Variants in CCDC9 observed in about 807,000 individuals in gnomAD.
CCDC9 encodes coiled-coil domain containing 9, also known as coiled-coil domain-containing protein 9.
CCDC9 carries 52 observed loss-of-function variants against 65.6 expected under a neutral mutation model. The ratio of observed to expected loss-of-function variants is 0.79; its 90% confidence interval spans 0.63 to 1.00. The LOEUF (loss-of-function observed/expected upper bound fraction) is 1.00, where lower values mean the gene tolerates loss of function less well. CCDC9 is among the 50% of genes least tolerant of loss of function. CCDC9 has a pLI of 0.00. For missense variants in CCDC9, 834 were observed against 757.2 expected (o/e 1.10, Z -1.19); for synonymous variants, 332 against 280.3 (o/e 1.18, Z -1.84).
rs770040075 is a variant in CCDC9, at chr19:47,260,430, C to A, written c.210+8C>A. The A allele has an allele frequency of 2.2e-5, 35 of 1,608,606 alleles. No individual in the cohort carries two copies. Among genetic ancestry groups the A allele is most frequent in the Non-Finnish European group, 2.9e-5 (34 of 1,177,396 alleles). ...AACGTGGCAGTGGAGTCGGTGAGCT[C>A]GTCACTGGGGTGTGGGACCCTGAGG... On this transcript the variant is annotated splice_region_variant and intron_variant, in intron 4 of 11. Coordinates refer to ENST00000221922, the MANE Select transcript of CCDC9 (RefSeq NM_015603.3).
chr19:47,265,064 CTTTT>C (rs201113712), intron 7 of CCDC9, 118 bp downstream of exon 7: 7 of 691,030 alleles, frequency 1.0e-5, no homozygotes, highest in Non-Finnish European at 1.2e-5. Context: ...CAGCACAGGA[CTTTT>C]TTTTTTTGAG....
chr19:47,275,157 C>T, downstream of CCDC9: 1 of 1,479,026 alleles, frequency 6.8e-7, no homozygotes, highest in South Asian at 1.3e-5. Context: ...TGCTGCCCGC[C>T]CGGGCGTGCC....
At chr19:47,269,067 C>T (rs1406352744) in intron 8 of CCDC9, among the ~76,000 whole-genome samples, 1 of 152,066 alleles carries the variant, frequency 6.6e-6, no homozygotes, top group Non-Finnish European at 1.5e-5. Flanking sequence ...TATGATGCCA[C>T]TGCACTCCAG....
At chr19:47,271,960 T>C (rs1013202969), downstream of CCDC9, 76 of 1,280,734 alleles carry the variant, frequency 5.9e-5, no homozygotes, top group Non-Finnish European at 7.3e-5. Flanking sequence ...CCAATGACAT[T>C]CCCCCAGGTG....
chr19:47,258,022 A>T, intron 1 of CCDC9: 2 of 296,630 alleles, frequency 6.7e-6, no homozygotes, highest in Admixed American at 4.9e-5. Context: ...GCTGGCCTAG[A>T]ATCAGCCTTT....
downstream of CCDC9, chr19:47,275,390 C>T (rs1051794744): frequency 1.1e-5 from 16 of 1,521,332 alleles, no homozygotes; most frequent in Admixed American, 1.3e-4. Context: ...CCCTCGAGAG[C>T]TCTGTGCTCC....
At chr19:47,264,132 C>T (rs540720502) in intron 5 of CCDC9, among the ~76,000 whole-genome samples, 6 of 152,270 alleles carry the variant, frequency 3.9e-5, no homozygotes, top group East Asian at 1.9e-4. Flanking sequence ...CCACCCACTT[C>T]GGCCTCCCAA....
chr19:47,274,917 G>A, downstream of CCDC9: 1 of 1,316,474 alleles, frequency 7.6e-7, no homozygotes, highest in Non-Finnish European at 9.6e-7. Flanking sequence ...GTGGGCTGCG[G>A]GGATGCGGGG....
At chr19:47,270,842 G>A (rs1412537641) in intron 10 of CCDC9, among the ~76,000 whole-genome samples, 154 bp downstream of exon 10, 2 of 152,116 alleles carry the variant, frequency 1.3e-5, no homozygotes, top group African/African-American at 4.8e-5. Flanking sequence ...AGGGGCTTGG[G>A]ATCTGGCTCT....
intron 1 of CCDC9, chr19:47,257,827 G>T: frequency 6.4e-6 from 1 of 157,006 alleles, no homozygotes; most frequent in East Asian, 1.9e-4. Flanking sequence ...TTTGAGCGTG[G>T]GATTGGGAAT....
intron 8 of CCDC9, among the ~76,000 whole-genome samples, chr19:47,267,406 G>A (rs1281177955): frequency 1.3e-5 from 2 of 152,174 alleles, no homozygotes; most frequent in African/African-American, 4.8e-5. Context: ...CGCCTCCTGA[G>A]CAGCTGGGGT....
chr19:47,266,473 C>T, intron 7 of CCDC9, 138 bp from the exon 8 acceptor site: 1 of 1,333,626 alleles, frequency 7.5e-7, no homozygotes, highest in Non-Finnish European at 9.9e-7. Flanking sequence ...GAGGAGGTGC[C>T]ACCTGAGCCT....
chr19:47,266,615 G>A lies in CCDC9; in HGVS notation c.725G>A (p.Arg242His), dbSNP rs936060847. 22 of 1,532,386 alleles carry A rather than the reference G, an allele frequency of 1.4e-5. No homozygotes were observed. The highest frequency in any genetic ancestry group is 1.4e-4 in the African/African-American group (10 of 73,280). 94.9% of individuals were successfully genotyped at this position (1,532,386 alleles called of 1,614,324 possible). A position where few individuals can be genotyped will look rare whatever the true frequency, so the allele number is the denominator to read the frequency against. ...TCCCTGTGGGCTGGGGGGCAGGGCC[G>A]CCGAGCTGGCCTGGGCAGTGCTGGA... ...RCGLEHERQG[R>H]RAGLGSAGDM... is the part of the protein sequence containing the mutation. The change falls in exon 8 of 12, where the codon CGC becomes CAC. Residue 242 changes from arginine (R) to histidine (H), a missense_variant. Arg to His is a conservative substitution (Grantham distance 29). Coordinates refer to ENST00000221922, the MANE Select transcript of CCDC9 (RefSeq NM_015603.3).
At chr19:47,267,032 T>C (rs1232786682) in intron 8 of CCDC9, among the ~76,000 whole-genome samples, 1 of 151,316 alleles carries the variant, frequency 6.6e-6, no homozygotes, top group African/African-American at 2.4e-5. Flanking sequence ...TGGCGTGATC[T>C]CGGCTCACCG....
chr19:47,271,830 C>A lies in CCDC9; in HGVS notation c.*152C>A, dbSNP rs1170858707. The A allele has an allele frequency of 3.5e-6, 5 of 1,424,800 alleles. No individual in the cohort carries two copies. The African/African-American group carries it at 7.2e-5, about 20-fold the overall frequency. The allele number at this position is 1,424,800 out of a possible 1,614,324, so 88.3% of individuals were successfully genotyped here. The stretch of plus-strand genomic sequence containing the variant: ...GACCCAGTGTGCCCCACAGCCCTGT[C>A]AGCTGAGGGGGTAGCGCAGCCCATG... On this transcript the variant is annotated 3_prime_UTR_variant, in exon 12 of 12. Transcript: ENST00000221922.
At chr19:47,273,536 C>A (rs1171366012), downstream of CCDC9, 5 of 471,424 alleles carry the variant, frequency 1.1e-5, no homozygotes, top group East Asian at 1.1e-4. Context: ...TCTGCTTCTG[C>A]CACACTCCAG....
chr19:47,262,938 TAACTG>T (rs569071419), intron 5 of CCDC9, among the ~76,000 whole-genome samples: 1 of 151,860 alleles, frequency 6.6e-6, no homozygotes, highest in African/African-American at 2.4e-5. Context: ...TTTTAAAAAT[TAACTG>T]GACGTGGTGG....
intron 8 of CCDC9, among the ~76,000 whole-genome samples, chr19:47,270,004 T>C (rs1156261867): frequency 6.6e-6 from 1 of 151,944 alleles, no homozygotes. Context: ...GGTCTCCCTC[T>C]GTCACCCAGG....
At chr19:47,259,908 A>G (rs1010832896) in intron 3 of CCDC9, among the ~76,000 whole-genome samples, 4 of 152,202 alleles carry the variant, frequency 2.6e-5, no homozygotes, top group African/African-American at 9.7e-5. Flanking sequence ...GCATTGGAGC[A>G]GAGACCTACA....
Sources: allele counts gnomAD v4.1 joint callset (sites outside exome capture counted in the v4.1 genomes callset), GRCh38; gene constraint gnomAD v4.1.1; transcripts MANE v1.5; gene names NCBI Gene and HGNC (gene_info 2026-07-23, HGNC 2026-07-21).